Variants in SGCZ observed in about 807,000 individuals in gnomAD.
The protein encoded by SGCZ is zeta-sarcoglycan.
SGCZ carries 40 observed loss-of-function variants against 41.3 expected under a neutral mutation model. That is an observed-to-expected ratio of 0.97 (90% confidence interval 0.75 to 1.26). The LOEUF (loss-of-function observed/expected upper bound fraction) is 1.26, where lower values mean the gene tolerates loss of function less well. Among genes scored for constraint, SGCZ ranks in the 50% most tolerant of loss-of-function variants. The pLI is 0.00. For missense variants in SGCZ, 552 were observed against 369.8 expected (o/e 1.49, Z -4.04); for synonymous variants, 206 against 137.5 (o/e 1.50, Z -3.49).
At position 14,887,621 on chromosome 8, in the gene SGCZ, A is replaced by C. The variant is rs114957840; in HGVS notation, c.40-332695T>G. On this transcript the variant is annotated intron_variant, in intron 1 of 7. Coordinates refer to ENST00000382080, the MANE Select transcript of SGCZ (RefSeq NM_139167.4). ...ATAAACACACATACACAATCATATAAAAACTATGAATAATTTTGATAACTA... is the reference window on the plus strand; with the variant it reads ...ATAAACACACATACACAATCATATACAAACTATGAATAATTTTGATAACTA... 9.2e-3 allele frequency among the ~76,000 whole-genome samples: 1,404 copies of C among 152,292 alleles called. 16 individuals are homozygous for C. Among genetic ancestry groups the C allele is most frequent in the African/African-American group, 0.032 (1,319 of 41,568 alleles).
chr8:15,176,126 T>A (rs1012926695), intron 1 of SGCZ, among the ~76,000 whole-genome samples: 1 of 152,174 alleles, frequency 6.6e-6, no homozygotes, highest in Non-Finnish European at 1.5e-5. Flanking sequence ...TTGCATTATC[T>A]AATTAGGTGA....
Position 15,110,484 on chromosome 8 carries a change from T to C in SGCZ, c.39+127101A>G, listed in dbSNP as rs142970613. Reference sequence around the variant, plus strand: ...TTCTAGCAAGATAGCCAGAGAGCCTTCAGTTACTTTTCATCACATAATTAT... The same window carrying C: ...TTCTAGCAAGATAGCCAGAGAGCCTCCAGTTACTTTTCATCACATAATTAT... On this transcript the variant is annotated intron_variant, in intron 1 of 7. Transcript: ENST00000382080. 1.5e-3 allele frequency among the ~76,000 whole-genome samples: 225 copies of C among 152,328 alleles called. 1 individual carries two copies. Among genetic ancestry groups the C allele is most frequent in the African/African-American group, 5.2e-3 (215 of 41,582 alleles).
At chr8:15,054,915 T>C (rs1437498902) in intron 1 of SGCZ, among the ~76,000 whole-genome samples, 4 of 150,436 alleles carry the variant, frequency 2.7e-5, no homozygotes, top group East Asian at 2.0e-4. Flanking sequence ...TGAGTCAAAA[T>C]TGTGCCACTG....
chr8:14,189,136 G>A (rs1282030520), intron 4 of SGCZ, among the ~76,000 whole-genome samples: 1 of 151,840 alleles, frequency 6.6e-6, no homozygotes, highest in Non-Finnish European at 1.5e-5. Context: ...TGGGATTACA[G>A]GCGTGAGCCA....
intron 1 of SGCZ, among the ~76,000 whole-genome samples, chr8:14,588,876 A>C (rs552209058): frequency 6.6e-6 from 1 of 152,306 alleles, no homozygotes; most frequent in African/African-American, 2.4e-5. Flanking sequence ...TTAGTCTCTA[A>C]TTAAAGGGAA....
chr8:14,124,961 C>A (rs1210363486), intron 5 of SGCZ, among the ~76,000 whole-genome samples: 1 of 151,998 alleles, frequency 6.6e-6, no homozygotes, highest in East Asian at 1.9e-4. Flanking sequence ...GATACAAAAT[C>A]TATGTGCAAA....
At chr8:15,157,476 T>C (rs945119878) in intron 1 of SGCZ, among the ~76,000 whole-genome samples, 1 of 148,452 alleles carries the variant, frequency 6.7e-6, no homozygotes, top group African/African-American at 2.6e-5. Context: ...AAGAAAAAAA[T>C]AAAAAGAACA....
intron 1 of SGCZ, among the ~76,000 whole-genome samples, chr8:14,573,892 G>A (rs935109418): frequency 2.0e-5 from 3 of 152,144 alleles, no homozygotes; most frequent in African/African-American, 7.2e-5. Context: ...CTAACTCTGA[G>A]AAGGTGAGTT....
At chr8:14,237,437 C>T (rs551707831) in intron 4 of SGCZ, among the ~76,000 whole-genome samples, 155 bp downstream of exon 4, 1 of 151,990 alleles carries the variant, frequency 6.6e-6, no homozygotes, top group Admixed American at 6.6e-5. Context: ...CCGCCTCAGC[C>T]TCCCAAAGTG....
intron 1 of SGCZ, among the ~76,000 whole-genome samples, chr8:14,755,187 TG>T (rs2130332545): frequency 6.6e-6 from 1 of 152,310 alleles, no homozygotes; most frequent in South Asian, 2.1e-4. Context: ...AATCTTTCTT[TG>T]GATGGATTCA....
chr8:14,616,309 C>A (rs1806103466), intron 1 of SGCZ, among the ~76,000 whole-genome samples: 4 of 150,808 alleles, frequency 2.7e-5, no homozygotes, highest in Admixed American at 2.6e-4. Context: ...AAAAGAAAAA[C>A]CCTGAACTAG....
chr8:14,139,377 A>T (rs1250002923), intron 5 of SGCZ, among the ~76,000 whole-genome samples: 3 of 151,008 alleles, frequency 2.0e-5, no homozygotes, highest in Non-Finnish European at 4.4e-5. Flanking sequence ...CACACAAAAA[A>T]CCCTTCAAAA....
Position 14,620,063 on chromosome 8 carries a change from A to C in SGCZ, c.40-65137T>G, listed in dbSNP as rs185632393. On this transcript the variant is annotated intron_variant, in intron 1 of 7. Transcript: ENST00000382080. ...TATACTACAAGGCTTCAGTAACCAAAACAGCATGGTACTGGTACCAAAACA... is the reference window on the plus strand; with the variant it reads ...TATACTACAAGGCTTCAGTAACCAACACAGCATGGTACTGGTACCAAAACA... Among the ~76,000 whole-genome samples, 330 of 152,296 alleles carry C rather than the reference A, an allele frequency of 2.2e-3. 2 individuals carry two copies. The highest frequency in any genetic ancestry group is 7.5e-3 in the African/African-American group (311 of 41,566).
At chr8:14,487,208 T>A (rs2117018643) in intron 2 of SGCZ, among the ~76,000 whole-genome samples, 1 of 152,302 alleles carries the variant, frequency 6.6e-6, no homozygotes, top group Non-Finnish European at 1.5e-5. Flanking sequence ...GTAGGGTCAG[T>A]TATATTCCAC....
At position 14,121,092 on chromosome 8, in the gene SGCZ, C is replaced by T. The variant is rs1224507891; in HGVS notation, c.548-12857G>A. 6.6e-5 allele frequency among the ~76,000 whole-genome samples: 10 copies of T among 152,076 alleles called. No individual in the cohort carries two copies. The East Asian group carries it at 1.9e-3, about 29-fold the overall frequency. The stretch of plus-strand genomic sequence containing the variant: ...GTGAAATAGAGAAATAGCCTAACGG[C>T]TAAGAGAGTCCCCAGAAACAGAGCA... On this transcript the variant is annotated intron_variant, in intron 5 of 7. Coordinates refer to ENST00000382080, the MANE Select transcript of SGCZ (RefSeq NM_139167.4).
At chr8:14,673,821 C>A (rs1241683711) in intron 1 of SGCZ, among the ~76,000 whole-genome samples, 1 of 151,968 alleles carries the variant, frequency 6.6e-6, no homozygotes. Context: ...TTATTCTAGG[C>A]CCTAAAATTA....
intron 1 of SGCZ, among the ~76,000 whole-genome samples, chr8:14,981,179 G>T (rs754611590): frequency 1.3e-5 from 2 of 152,168 alleles, no homozygotes; most frequent in South Asian, 4.1e-4. Context: ...TTCTATCCTT[G>T]TTTAAATTTC....
intron 1 of SGCZ, among the ~76,000 whole-genome samples, chr8:14,625,157 T>C (rs6989771): frequency 0.39 from 58,603 of 151,756 alleles, 11,544 homozygotes; most frequent in East Asian, 0.69. Flanking sequence ...ATTTGCTCAC[T>C]GTGTTCAGTG....
intron 1 of SGCZ, among the ~76,000 whole-genome samples, chr8:14,936,721 A>G (rs1285546287): frequency 6.6e-6 from 1 of 151,984 alleles, no homozygotes; most frequent in East Asian, 1.9e-4. Context: ...ATACCACATT[A>G]CTTGGCTTTA....
Sources: allele counts gnomAD v4.1 joint callset (sites outside exome capture counted in the v4.1 genomes callset), GRCh38; gene constraint gnomAD v4.1.1; transcripts MANE v1.5; gene names NCBI Gene and HGNC (gene_info 2026-07-23, HGNC 2026-07-21).